Variants in PTPN13 observed in about 807,000 individuals in gnomAD.
PTPN13 encodes the protein protein tyrosine phosphatase non-receptor type 13.
In PTPN13, 191 loss-of-function variants were observed where a neutral mutation model predicts 284.0. That is an observed-to-expected ratio of 0.67 (90% confidence interval 0.60 to 0.76). PTPN13 has a LOEUF of 0.76. PTPN13 is among the 30% of genes least tolerant of loss of function. The pLI is 0.00. For missense variants in PTPN13, 2,797 were observed against 2,939.9 expected (o/e 0.95, Z 1.12); for synonymous variants, 986 against 1,022.3 (o/e 0.96, Z 0.68).
chr4:86,785,747 A>G (rs1741821578), intron 39 of PTPN13, 101 bp from the exon 40 acceptor site: 1 of 561,086 alleles, frequency 1.8e-6, no homozygotes, highest in Non-Finnish European at 3.0e-6. Flanking sequence ...CTATTTATGG[A>G]TATTGGTTTA....
chr4:86,737,735 T>C (rs902968391), intron 15 of PTPN13, among the ~76,000 whole-genome samples: 18 of 151,940 alleles, frequency 1.2e-4, no homozygotes, highest in African/African-American at 4.4e-4. Flanking sequence ...AGAATAATAC[T>C]TTTTTTTGTT....
intron 47 of PTPN13, among the ~76,000 whole-genome samples, chr4:86,812,715 G>A (rs913421997): frequency 2.0e-5 from 3 of 152,038 alleles, no homozygotes; most frequent in East Asian, 1.9e-4. Flanking sequence ...CCAATGTGGC[G>A]GGCAGGGCAC....
intron 2 of PTPN13, among the ~76,000 whole-genome samples, chr4:86,650,792 T>G (rs1724993744): frequency 6.6e-6 from 1 of 152,324 alleles, no homozygotes; most frequent in East Asian, 1.9e-4. Flanking sequence ...TTTACTGAAT[T>G]TGTTTATCGG....
At position 86,716,581 on chromosome 4, in the gene PTPN13, G is replaced by T; in HGVS notation, c.1247G>T (p.Ser416Ile). Residue 416 changes from serine (S) to isoleucine (I), a missense_variant, in exon 8 of 48, where the codon AGT becomes ATT. By Grantham distance (142) the Ser-to-Ile change is moderately radical. Transcript: ENST00000411767. ...TYHGDVFSTS[S>I]ESPSIISSES... is the part of the protein sequence containing the mutation. Reference sequence around the variant, plus strand: ...CATGGTGATGTCTTTAGTACCTCCAGTGAAAGTCCATCTATTATTTCCTCT... The same window carrying T: ...CATGGTGATGTCTTTAGTACCTCCATTGAAAGTCCATCTATTATTTCCTCT... The T allele has an allele frequency of 6.2e-7, 1 of 1,600,302 alleles. No homozygotes were observed.
chr4:86,598,900 T>C (rs913810837), intron 1 of PTPN13, among the ~76,000 whole-genome samples: 4 of 152,276 alleles, frequency 2.6e-5, no homozygotes, highest in Non-Finnish European at 5.9e-5. Context: ...GAATAACTGA[T>C]ACTGCAGGTG....
At chr4:86,638,962 A>G (rs1353464072) in intron 2 of PTPN13, among the ~76,000 whole-genome samples, 2 of 152,340 alleles carry the variant, frequency 1.3e-5, no homozygotes, top group East Asian at 1.9e-4. Flanking sequence ...AGAATCTACA[A>G]TGAACTCAAA....
intron 27 of PTPN13, among the ~76,000 whole-genome samples, chr4:86,767,026 C>T (rs1739407401): frequency 1.3e-5 from 2 of 150,324 alleles, no homozygotes; most frequent in Non-Finnish European, 3.0e-5. Flanking sequence ...CTCAGGTGAT[C>T]CCCCTGCCTC....
intron 1 of PTPN13, among the ~76,000 whole-genome samples, chr4:86,614,524 T>G (rs1186129518): frequency 6.6e-6 from 1 of 152,180 alleles, no homozygotes; most frequent in African/African-American, 2.4e-5. Context: ...AGAATACTTT[T>G]GACATGGTCA....
intron 45 of PTPN13, among the ~76,000 whole-genome samples, chr4:86,808,119 A>G (rs1198452469): frequency 6.6e-6 from 1 of 152,184 alleles, no homozygotes; most frequent in Non-Finnish European, 1.5e-5. Context: ...TATGTCCTCT[A>G]CTAAAATGGA....
At chr4:86,801,291 CAG>C (rs766772342) in intron 42 of PTPN13, among the ~76,000 whole-genome samples, 2 of 152,330 alleles carry the variant, frequency 1.3e-5, no homozygotes, top group Non-Finnish European at 2.9e-5. Flanking sequence ...AGAGAGAAAT[CAG>C]TGTTCCTGGA....
chr4:86,729,209 G>A (rs955483187), intron 10 of PTPN13, among the ~76,000 whole-genome samples: 4 of 149,532 alleles, frequency 2.7e-5, no homozygotes, highest in East Asian at 1.9e-4. Flanking sequence ...CCGAGAGATC[G>A]CTGTTAGTCT....
intron 26 of PTPN13, 98 bp downstream of exon 26, chr4:86,765,586 T>C: frequency 1.2e-6 from 1 of 807,140 alleles, no homozygotes; most frequent in South Asian, 2.1e-5. Flanking sequence ...ATTCATGATA[T>C]GAAATAAGAA....
At chr4:86,802,108 T>C (rs1002888113) in intron 42 of PTPN13, among the ~76,000 whole-genome samples, 7 of 152,018 alleles carry the variant, frequency 4.6e-5, no homozygotes, top group Non-Finnish European at 8.8e-5. Context: ...TTTCCCATTA[T>C]TTATAAAGGC....
At chr4:86,603,833 T>C (rs1169930173) in intron 1 of PTPN13, among the ~76,000 whole-genome samples, 1 of 152,128 alleles carries the variant, frequency 6.6e-6, no homozygotes, top group Non-Finnish European at 1.5e-5. Context: ...CTAGTGGATA[T>C]TTAAGAAACT....
intron 2 of PTPN13, among the ~76,000 whole-genome samples, chr4:86,644,397 C>T (rs1186762315): frequency 5.3e-5 from 8 of 152,144 alleles, no homozygotes; most frequent in Non-Finnish European, 8.8e-5. Context: ...GCATCAGCCT[C>T]GCAAAGTGTT....
At chr4:86,665,634 A>C (rs1372348773) in intron 2 of PTPN13, among the ~76,000 whole-genome samples, 2 of 152,222 alleles carry the variant, frequency 1.3e-5, no homozygotes, top group African/African-American at 4.8e-5. Flanking sequence ...GATATTCCCC[A>C]AGAAATTAAT....
In PTPN13 at chr4:86,649,679, C is replaced by G. The variant is rs75538188; in HGVS notation, c.115+14308C>G. Among the ~76,000 whole-genome samples the G allele has an allele frequency of 1.9e-4, 29 of 152,152 alleles. No homozygotes were observed. In the East Asian group the frequency reaches 5.6e-3, roughly 29 times the overall value. ...GTAATGTGATGCTTCCAGCTTTGTT[C>G]TTCTTGTTCAAGATTGCTCTGGCTA... On this transcript the variant is annotated intron_variant, in intron 2 of 47. Coordinates refer to ENST00000411767, the MANE Select transcript of PTPN13 (RefSeq NM_080683.3).
At position 86,799,369 on chromosome 4, in the gene PTPN13, C is replaced by T. The variant is rs10021168; in HGVS notation, c.6505+165C>T. The stretch of plus-strand genomic sequence containing the variant: ...GACAGAGGCTGGGAGTCCAGTGGGG[C>T]GATCTCGGCTCACTACAACCACCAC... On this transcript the variant is annotated intron_variant, in intron 42 of 47. Transcript: ENST00000411767. 0.1 allele frequency among the ~76,000 whole-genome samples: 14,772 copies of T among 145,672 alleles called. 864 individuals are homozygous for T. Among genetic ancestry groups the T allele is most frequent in the Non-Finnish European group, 0.11 (7,616 of 67,128 alleles).
intron 2 of PTPN13, among the ~76,000 whole-genome samples, chr4:86,657,603 A>G (rs1726003587): frequency 6.6e-6 from 1 of 152,158 alleles, no homozygotes; most frequent in African/African-American, 2.4e-5. Flanking sequence ...GCAGACCAGC[A>G]CAGTACTGGA....
Sources: gnomAD v4.1 joint callset for allele counts (sites outside exome capture counted in the v4.1 genomes callset) on GRCh38, gnomAD v4.1.1 for gene constraint, MANE v1.5 for transcripts, NCBI Gene and HGNC (gene_info 2026-07-23, HGNC 2026-07-21) for gene names.